Variants in GRM3 observed in about 807,000 individuals in gnomAD.
GRM3 encodes the protein metabotropic glutamate receptor 3.
In GRM3, 26 loss-of-function variants were observed where a neutral mutation model predicts 70.5. The observed-to-expected ratio is 0.37, with a 90% confidence interval of 0.27 to 0.51. The LOEUF (loss-of-function observed/expected upper bound fraction) is 0.51, where lower values mean the gene tolerates loss of function less well. Among genes scored for constraint, GRM3 ranks in the 20% least tolerant of loss-of-function variants. GRM3 has a pLI of 0.93. For synonymous variants in GRM3, 443 were observed against 434.9 expected (o/e 1.02, Z -0.23); for missense variants, 859 against 1,123.8 (o/e 0.76, Z 3.37).
At chr7:86,735,555 T>C (rs1224228316) in intron 1 of GRM3, among the ~76,000 whole-genome samples, 1 of 152,206 alleles carries the variant, frequency 6.6e-6, no homozygotes, top group East Asian at 1.9e-4. Flanking sequence ...ATATTAATTA[T>C]ATTTTTCAGT....
At chr7:86,686,739 A>C (rs150307136) in intron 1 of GRM3, among the ~76,000 whole-genome samples, 51 of 152,290 alleles carry the variant, frequency 3.3e-4, no homozygotes, top group African/African-American at 1.1e-3. Context: ...GATTCAAAAC[A>C]TACAAGGCTT....
intron 3 of GRM3, among the ~76,000 whole-genome samples, chr7:86,814,018 G>A (rs1002617747): frequency 1.3e-5 from 2 of 151,670 alleles, no homozygotes; most frequent in African/African-American, 4.8e-5. Context: ...AGACTAGACA[G>A]CTTTTTAAAA....
At chr7:86,851,726 C>T (rs78359377) in intron 5 of GRM3, among the ~76,000 whole-genome samples, 3,838 of 152,174 alleles carry the variant, frequency 0.025, 85 homozygotes, top group East Asian at 0.091. Context: ...GGATAGGCTG[C>T]ACATTCCTGT....
chr7:86,687,502 C>A (rs984283261), intron 1 of GRM3, among the ~76,000 whole-genome samples: 11 of 151,664 alleles, frequency 7.3e-5, no homozygotes, highest in Non-Finnish European at 1.5e-4. Context: ...TATTATCAAC[C>A]TAGAATTCTG....
intron 1 of GRM3, among the ~76,000 whole-genome samples, chr7:86,651,695 C>G (rs1048946102): frequency 6.6e-6 from 1 of 152,150 alleles, no homozygotes; most frequent in Admixed American, 6.5e-5. Context: ...CACTACTACA[C>G]TGGTAGCCAG....
intron 1 of GRM3, among the ~76,000 whole-genome samples, chr7:86,653,912 A>T (rs1342633353): frequency 6.6e-6 from 1 of 152,114 alleles, no homozygotes; most frequent in African/African-American, 2.4e-5. Flanking sequence ...TTAAAATTCA[A>T]ATTGTCTTTA....
At chr7:86,796,789 C>A (rs1797560329) in intron 3 of GRM3, among the ~76,000 whole-genome samples, 1 of 152,092 alleles carries the variant, frequency 6.6e-6, no homozygotes, top group Admixed American at 6.5e-5. Flanking sequence ...CCACCCAAAT[C>A]TCATCTTAAA....
intron 1 of GRM3, among the ~76,000 whole-genome samples, chr7:86,667,366 A>G (rs943875091): frequency 6.6e-6 from 1 of 152,140 alleles, no homozygotes; most frequent in African/African-American, 2.4e-5. Context: ...TAGTTAAGAA[A>G]TACCAGTGTA....
At chr7:86,751,947 TA>T (rs1037410810) in intron 1 of GRM3, among the ~76,000 whole-genome samples, 1 of 152,152 alleles carries the variant, frequency 6.6e-6, no homozygotes, top group Non-Finnish European at 1.5e-5. Context: ...CTGTCATTTT[TA>T]AAAAATGCAC....
At chr7:86,664,166 C>G (rs80136903) in intron 1 of GRM3, among the ~76,000 whole-genome samples, 14,674 of 151,798 alleles carry the variant, frequency 0.097, 793 homozygotes, top group South Asian at 0.17. Context: ...AAAAAAGACC[C>G]TCACTGGAAT....
intron 1 of GRM3, among the ~76,000 whole-genome samples, chr7:86,760,551 G>A (rs914355892): frequency 5.9e-5 from 9 of 152,012 alleles, no homozygotes; most frequent in Admixed American, 4.6e-4. Context: ...GAAAAGAACC[G>A]GAAAAGAGGT....
At chr7:86,692,035 A>G (rs1794707441) in intron 1 of GRM3, among the ~76,000 whole-genome samples, 2 of 152,194 alleles carry the variant, frequency 1.3e-5, no homozygotes, top group Admixed American at 1.3e-4. Flanking sequence ...GACAAAATCT[A>G]CAAGTTAACA....
At chr7:86,692,517 G>T (rs1794718649) in intron 1 of GRM3, among the ~76,000 whole-genome samples, 1 of 152,116 alleles carries the variant, frequency 6.6e-6, no homozygotes, top group South Asian at 2.1e-4. Context: ...TCAGTTATTT[G>T]CTCAAATCAC....
At chr7:86,860,546 C>A (rs1029165902) in intron 5 of GRM3, among the ~76,000 whole-genome samples, 2 of 152,134 alleles carry the variant, frequency 1.3e-5, no homozygotes, top group African/African-American at 4.8e-5. Context: ...CAAAAACAGT[C>A]TTGTGGGTAT....
intron 1 of GRM3, among the ~76,000 whole-genome samples, chr7:86,764,782 C>T (rs1247582879): frequency 6.6e-6 from 1 of 152,044 alleles, no homozygotes; most frequent in Non-Finnish European, 1.5e-5. Context: ...ACCTCCTTGA[C>T]CCTCTGTGCC....
At chr7:86,736,331 A>G (rs1795857936) in intron 1 of GRM3, among the ~76,000 whole-genome samples, 1 of 152,198 alleles carries the variant, frequency 6.6e-6, no homozygotes, top group Admixed American at 6.5e-5. Flanking sequence ...TGGGTGAAAA[A>G]GGCAAGAATT....
chr7:86,743,861 C>G (rs529330975), intron 1 of GRM3, among the ~76,000 whole-genome samples: 1 of 152,208 alleles, frequency 6.6e-6, no homozygotes, highest in African/African-American at 2.4e-5. Flanking sequence ...AAACCACTTC[C>G]ATATGTAATT....
intron 1 of GRM3, among the ~76,000 whole-genome samples, chr7:86,698,460 G>A (rs1794875928): frequency 1.3e-5 from 2 of 150,112 alleles, no homozygotes; most frequent in Admixed American, 6.7e-5. Flanking sequence ...AAATAGAAAT[G>A]TTTCCTCCCT....
chr7:86,775,873 T>A (rs1052242408), intron 2 of GRM3: 1 of 152,156 alleles, frequency 6.6e-6, no homozygotes, highest in African/African-American at 2.4e-5. Flanking sequence ...TATGGAGGTC[T>A]GTGATGAATC....
Sources: gnomAD v4.1 joint callset for allele counts (sites outside exome capture counted in the v4.1 genomes callset) on GRCh38, gnomAD v4.1.1 for gene constraint, MANE v1.5 for transcripts, NCBI Gene and HGNC (gene_info 2026-07-23, HGNC 2026-07-21) for gene names.